The following ACOXL variants were observed in gnomAD, a reference collection of about 807,000 sequenced individuals.
The protein encoded by ACOXL is acyl-CoA oxidase like.
Under a neutral mutation model 71.9 loss-of-function variants are expected in ACOXL, and 70 were observed. The ratio of observed to expected loss-of-function variants is 0.97; its 90% confidence interval spans 0.80 to 1.19. The LOEUF (loss-of-function observed/expected upper bound fraction) is 1.19. Ranked by LOEUF, ACOXL falls within the 50% of genes most tolerant of loss-of-function variation. The pLI, the probability that ACOXL is intolerant of heterozygous loss-of-function variation, is 0.00. For missense variants in ACOXL, 703 were observed against 736.3 expected (o/e 0.95, Z 0.52); for synonymous variants, 253 against 281.6 (o/e 0.90, Z 1.02).
At chr2:111,054,744 C>A (rs1359227486) in intron 16 of ACOXL, among the ~76,000 whole-genome samples, 2 of 152,174 alleles carry the variant, frequency 1.3e-5, no homozygotes, top group Non-Finnish European at 2.9e-5. Context: ...CATTTGAATC[C>A]TCCTGGCAAC....
intron 13 of ACOXL, among the ~76,000 whole-genome samples, chr2:110,990,454 A>G (rs1029382134): frequency 5.3e-5 from 8 of 152,142 alleles, no homozygotes; most frequent in African/African-American, 1.4e-4. Context: ...CTAATTTGCA[A>G]ATTATAAATT....
intron 14 of ACOXL, among the ~76,000 whole-genome samples, chr2:111,014,679 A>T (rs2064340710): frequency 6.6e-6 from 1 of 152,230 alleles, no homozygotes; most frequent in Non-Finnish European, 1.5e-5. Flanking sequence ...CAACTTCAAA[A>T]AACATTGAAG....
intron 2 of ACOXL, among the ~76,000 whole-genome samples, chr2:110,781,504 T>C (rs1411979921): frequency 2.0e-5 from 3 of 152,010 alleles, no homozygotes; most frequent in African/African-American, 4.8e-5. Flanking sequence ...TAGCCAGGCA[T>C]GGTGGCGCGC....
intron 11 of ACOXL, among the ~76,000 whole-genome samples, chr2:110,923,242 A>G (rs1304298849): frequency 1.3e-5 from 2 of 152,180 alleles, no homozygotes; most frequent in Non-Finnish European, 2.9e-5. Flanking sequence ...TTGTAAGGAA[A>G]TAGCTTCATA....
At chr2:111,045,778 T>G (rs1308157434) in intron 15 of ACOXL, among the ~76,000 whole-genome samples, 1 of 152,192 alleles carries the variant, frequency 6.6e-6, no homozygotes, top group Admixed American at 6.5e-5. Flanking sequence ...TGCATGCTGC[T>G]TTTGTTGGGC....
intron 10 of ACOXL, among the ~76,000 whole-genome samples, chr2:110,844,535 T>TTTTTC (rs1456273677): frequency 3.3e-5 from 5 of 149,902 alleles, no homozygotes; most frequent in African/African-American, 7.3e-5. Context: ...CTCTTCTTTT[T>TTTTTC]TTTTCTTTTC....
At chr2:110,946,264 A>G (rs1214604424) in intron 12 of ACOXL, among the ~76,000 whole-genome samples, 1 of 152,254 alleles carries the variant, frequency 6.6e-6, no homozygotes, top group Admixed American at 6.5e-5. Flanking sequence ...GTTGTTTATC[A>G]GCTCTAAGAG....
intron 12 of ACOXL, among the ~76,000 whole-genome samples, chr2:110,978,494 C>T (rs1417060362): frequency 6.6e-6 from 1 of 152,144 alleles, no homozygotes; most frequent in South Asian, 2.1e-4. Context: ...TTGCCCAGCC[C>T]TCAGAGGTGT....
intron 17 of ACOXL, among the ~76,000 whole-genome samples, chr2:111,114,904 C>A (rs2070241750): frequency 6.6e-6 from 1 of 151,880 alleles, no homozygotes; most frequent in Non-Finnish European, 1.5e-5. Context: ...TATAGTCAAA[C>A]ACAGTGTCAT....
At chr2:111,063,057 T>G (rs1236262964) in intron 16 of ACOXL, among the ~76,000 whole-genome samples, 2 of 152,142 alleles carry the variant, frequency 1.3e-5, no homozygotes, top group Non-Finnish European at 2.9e-5. Context: ...AAATAGACTA[T>G]TATTCGAAAA....
At chr2:110,896,674 A>T (rs72944216) in intron 10 of ACOXL, among the ~76,000 whole-genome samples, 3,700 of 152,318 alleles carry the variant, frequency 0.024, 168 homozygotes, top group African/African-American at 0.085. Context: ...ATCCATCAAG[A>T]AGATACAGTA....
intron 9 of ACOXL, among the ~76,000 whole-genome samples, chr2:110,813,974 A>C (rs376956208): frequency 3.9e-5 from 6 of 152,276 alleles, no homozygotes; most frequent in African/African-American, 1.4e-4. Flanking sequence ...GTATTCCAGC[A>C]CTGGGGTCCG....
In ACOXL at chr2:110,844,131, AG is replaced by A. The variant is rs1373393242; in HGVS notation, c.788+2729del. ...ATTGCAGTAACTCAGAGACAGCATG[AG>A]GGCTTTCTAGGCTTGGCTGGGCCTC... On this transcript the variant is annotated intron_variant, in intron 10 of 17. Transcript: ENST00000439055. Among the ~76,000 whole-genome samples the A allele has an allele frequency of 7.9e-5, 12 of 152,330 alleles. No individual in the cohort carries two copies. In the East Asian group the frequency reaches 2.1e-3, roughly 27 times the overall value.
intron 14 of ACOXL, among the ~76,000 whole-genome samples, chr2:111,002,126 AC>A (rs2063662812): frequency 1.3e-5 from 2 of 152,136 alleles, no homozygotes; most frequent in Admixed American, 1.3e-4. Flanking sequence ...TGTAGCCCTA[AC>A]CAAAGCTTCA....
chr2:110,784,031 C>T (rs999450571), intron 2 of ACOXL, among the ~76,000 whole-genome samples: 2 of 152,190 alleles, frequency 1.3e-5, no homozygotes. Flanking sequence ...TTTAAATCAT[C>T]AAAGCCTTGA....
intron 9 of ACOXL, among the ~76,000 whole-genome samples, chr2:110,838,049 G>A (rs1218415351): frequency 6.6e-6 from 1 of 152,242 alleles, no homozygotes; most frequent in Non-Finnish European, 1.5e-5. Context: ...GGCTCCATGA[G>A]CCTCTCTGAA....
chr2:110,962,900 CAA>C (rs2061756917), intron 12 of ACOXL, among the ~76,000 whole-genome samples: 1 of 152,100 alleles, frequency 6.6e-6, no homozygotes, highest in Non-Finnish European at 1.5e-5. Flanking sequence ...ATGGGGAAAA[CAA>C]AGAGCTGGAA....
intron 17 of ACOXL, chr2:111,093,426 A>G: frequency 6.2e-7 from 1 of 1,612,110 alleles, no homozygotes; most frequent in East Asian, 2.2e-5. Flanking sequence ...CTGCAAAGAA[A>G]AAGAATGTGA....
At chr2:110,814,275 C>G (rs1029011634) in intron 9 of ACOXL, among the ~76,000 whole-genome samples, 1 of 152,210 alleles carries the variant, frequency 6.6e-6, no homozygotes, top group Non-Finnish European at 1.5e-5. Context: ...CCGACTTTGC[C>G]TCACAGCTGT....
Sources: gnomAD v4.1 joint callset for allele counts (sites outside exome capture counted in the v4.1 genomes callset) on GRCh38, gnomAD v4.1.1 for gene constraint, MANE v1.5 for transcripts, NCBI Gene and HGNC (gene_info 2026-07-23, HGNC 2026-07-21) for gene names.